CXXC5: variants seen among roughly 807,000 people sequenced by gnomAD.
CXXC5 encodes CXXC finger protein 5.
In CXXC5, 2 loss-of-function variants were observed where a neutral mutation model predicts 17.6. The observed-to-expected ratio is 0.11, with a 90% CI of 0.05 to 0.36. The LOEUF is 0.36. Among genes scored for constraint, CXXC5 ranks in the 10% least tolerant of loss-of-function variants. The pLI, the probability that CXXC5 is intolerant of heterozygous loss-of-function variation, is 1.00. For synonymous variants in CXXC5, 171 were observed against 193.0 expected (o/e 0.89, Z 0.94); for missense variants, 343 against 458.3 (o/e 0.75, Z 2.30).
chr5:139,652,210 G>A (rs1016864658), intron 1 of CXXC5, among the ~76,000 whole-genome samples: 2 of 150,612 alleles, frequency 1.3e-5, no homozygotes, highest in African/African-American at 2.4e-5. Context: ...GTGTATGTGT[G>A]TGTGAAGTGT....
rs1346912426 is a variant in CXXC5, at chr5:139,658,533, A to G, written c.-161+9688A>G. ...CTCTGGAGCTCTAGCCGGTGTGGAG[A>G]GTGGGCTGTGGGCCCAGTCAGGCAG... On this transcript the variant is annotated intron_variant, in intron 1 of 2. Coordinates refer to ENST00000302517, the MANE Select transcript of CXXC5 (RefSeq NM_016463.9). The surrounding 1 kb of genome is among the most constrained non-coding windows in gnomAD (Gnocchi z 4.1). Among the ~76,000 whole-genome samples, 6 of 152,106 alleles carry G rather than the reference A, an allele frequency of 3.9e-5. No homozygotes were observed. The highest frequency in any genetic ancestry group is 3.9e-4 in the Admixed American group (6 of 15,272).
Position 139,680,491 on chromosome 5 carries a change from C to T in CXXC5, c.-33C>T. On this transcript the variant is annotated 5_prime_UTR_variant, in exon 2 of 3. Coordinates refer to ENST00000302517, the MANE Select transcript of CXXC5 (RefSeq NM_016463.9). ...TGGACCCTCGGCAGTTGGCAGGCTC[C>T]CTCTGCAGTGGGGTCTGGGCCTCGG... The T allele has an allele frequency of 6.5e-7, 1 of 1,531,706 alleles. No individual in the cohort carries two copies. Among genetic ancestry groups the T allele is most frequent in the Non-Finnish European group, 8.8e-7 (1 of 1,141,476 alleles). 94.9% of individuals were successfully genotyped at this position (1,531,706 alleles called of 1,614,324 possible). A position where few individuals can be genotyped will look rare whatever the true frequency, so the allele number is the denominator to read the frequency against.
chr5:139,651,317 A>T (rs1755163342), intron 1 of CXXC5, among the ~76,000 whole-genome samples: 2 of 140,504 alleles, frequency 1.4e-5, no homozygotes, highest in Non-Finnish European at 1.5e-5. Context: ...CTGTTGACTT[A>T]CCCGAGGGCC....
chr5:139,672,701 G>A (rs1255103378), intron 1 of CXXC5, among the ~76,000 whole-genome samples: 2 of 152,096 alleles, frequency 1.3e-5, no homozygotes, highest in African/African-American at 4.8e-5. Context: ...CCCTGGGATC[G>A]TGACTTCTGC....
chr5:139,669,775 C>T (rs943420238), intron 1 of CXXC5, among the ~76,000 whole-genome samples: 1 of 152,190 alleles, frequency 6.6e-6, no homozygotes, highest in Non-Finnish European at 1.5e-5. Flanking sequence ...GCAGGCTCTG[C>T]GTGCTTCTCA....
Position 139,670,714 on chromosome 5 carries a change from T to G in CXXC5, c.-160-9650T>G, listed in dbSNP as rs1756417819. On this transcript the variant is annotated intron_variant, in intron 1 of 2. Transcript: ENST00000302517. This position sits in a 1 kb window ranked among gnomAD's most constrained non-coding sequence, Gnocchi z 4.2. ...TGGACATCCATGTACATTCACAGACTTGGGTCGCACACACATGCCTCCACT... is the reference window on the plus strand; with the variant it reads ...TGGACATCCATGTACATTCACAGACGTGGGTCGCACACACATGCCTCCACT... 6.6e-6 allele frequency among the ~76,000 whole-genome samples: 1 copy of G among 152,212 alleles called. No homozygotes were observed. Among genetic ancestry groups the G allele is most frequent in the African/African-American group, 2.4e-5 (1 of 41,452 alleles).
rs1755794260 is a variant in CXXC5 at position 139,661,249 on chromosome 5, G to T, written c.-161+12404G>T. On this transcript the variant is annotated intron_variant, in intron 1 of 2. Coordinates refer to ENST00000302517, the MANE Select transcript of CXXC5 (RefSeq NM_016463.9). This position sits in a 1 kb window ranked among gnomAD's most constrained non-coding sequence, Gnocchi z 4.7. Reference sequence around the variant, plus strand: ...GGTGAGCTGGGCGGGCGGGCGGCAGGATTAGCTCAGGAGACGTGAGTCACC... The same window carrying T: ...GGTGAGCTGGGCGGGCGGGCGGCAGTATTAGCTCAGGAGACGTGAGTCACC... 6.6e-6 allele frequency among the ~76,000 whole-genome samples: 1 copy of T among 152,204 alleles called. No individual in the cohort carries two copies. The highest frequency in any genetic ancestry group is 6.5e-5 in the Admixed American group (1 of 15,290).
intron 1 of CXXC5, among the ~76,000 whole-genome samples, chr5:139,674,786 G>A (rs544958436): frequency 1.4e-4 from 22 of 152,324 alleles, no homozygotes; most frequent in Admixed American, 2.6e-4. Flanking sequence ...AGGCCCAGGT[G>A]AGAGGATTGC....
In CXXC5 at chr5:139,683,128, T is replaced by C. The variant is rs554676988; in HGVS notation, c.*221T>C. On this transcript the variant is annotated 3_prime_UTR_variant, in exon 3 of 3. Transcript: ENST00000302517. ...AAAAGAAAAAAATTTAAACTGCTTT[T>C]TCGGAAGAACAACAACAAAAAAGAG... The C allele has an allele frequency of 5.6e-5, 22 of 395,656 alleles. 1 individual carries two copies. In the South Asian group the frequency reaches 2.3e-3, roughly 42 times the overall value. 24.5% of individuals were successfully genotyped at this position (395,656 alleles called of 1,614,324 possible).
chr5:139,672,020 G>A (rs1756500892), intron 1 of CXXC5, among the ~76,000 whole-genome samples: 1 of 152,232 alleles, frequency 6.6e-6, no homozygotes, highest in African/African-American at 2.4e-5. Context: ...AGAATCCGGT[G>A]AGAAAATGCA....
intron 1 of CXXC5, chr5:139,665,820 G>T (rs1291968628): frequency 1.3e-5 from 2 of 152,398 alleles, no homozygotes; most frequent in East Asian, 3.9e-4. Flanking sequence ...GGACAGCGAG[G>T]AGCAAAGGGC....
chr5:139,655,760 C>A (rs1241430743), intron 1 of CXXC5, among the ~76,000 whole-genome samples: 1 of 151,934 alleles, frequency 6.6e-6, no homozygotes, highest in Non-Finnish European at 1.5e-5. Flanking sequence ...CCCCCTCCCC[C>A]ACCAGCTGTG....
Position 139,682,892 on chromosome 5 carries a change from C to T in CXXC5, c.954C>T (p.Phe318=), listed in dbSNP as rs1236830656. 5.0e-6 allele frequency: 8 copies of T among 1,594,732 alleles called. No homozygotes were observed. The highest frequency in any genetic ancestry group is 6.8e-6 in the Non-Finnish European group (8 of 1,170,254). The change falls in exon 3 of 3, where the codon TTC becomes TTT. Residue 318 remains phenylalanine (F), a synonymous_variant. Coordinates refer to ENST00000302517, the MANE Select transcript of CXXC5 (RefSeq NM_016463.9). ...TGATGCTTCCGACGGGAGCCGCCTT[C>T]CGGTGGTTTCAGTGACGGCGGCGGA... ...EKVMLPTGAA[F]RWFQ
chr5:139,671,377 C>A (rs919441586), intron 1 of CXXC5, among the ~76,000 whole-genome samples: 1 of 152,182 alleles, frequency 6.6e-6, no homozygotes, highest in Non-Finnish European at 1.5e-5. Context: ...CTAGAGTGGC[C>A]CTGGCCATCC....
Position 139,658,771 on chromosome 5 carries a change from CTG to C in CXXC5, c.-161+9929_-161+9930del, listed in dbSNP as rs1270043003. Among the ~76,000 whole-genome samples the C allele has an allele frequency of 6.6e-6, 1 of 152,240 alleles. No individual in the cohort carries two copies. The highest frequency in any genetic ancestry group is 6.5e-5 in the Admixed American group (1 of 15,290). On this transcript the variant is annotated intron_variant, in intron 1 of 2. Coordinates refer to ENST00000302517, the MANE Select transcript of CXXC5 (RefSeq NM_016463.9). This position sits in a 1 kb window ranked among gnomAD's most constrained non-coding sequence, Gnocchi z 4.1. ...CCCTTGGGGTCCTCAGCAGCCCCAT[CTG>C]TGCAATGGGGAGAGGAGGCTTTTTT... is the stretch of plus-strand genomic sequence containing the variant.
intron 2 of CXXC5, among the ~76,000 whole-genome samples, chr5:139,682,068 A>G (rs1757267188): frequency 6.6e-6 from 1 of 152,082 alleles, no homozygotes; most frequent in African/African-American, 2.4e-5. Flanking sequence ...GAACCTAGCC[A>G]CTGTAGGATT....
At chr5:139,653,255 A>C (rs760469673) in intron 1 of CXXC5, among the ~76,000 whole-genome samples, 20 of 152,216 alleles carry the variant, frequency 1.3e-4, no homozygotes, top group Non-Finnish European at 2.6e-4. Flanking sequence ...CAATGGTAGC[A>C]TGTGATTACG....
intron 1 of CXXC5, among the ~76,000 whole-genome samples, chr5:139,662,050 G>A (rs1755849096): frequency 6.6e-6 from 1 of 151,186 alleles, no homozygotes; most frequent in Non-Finnish European, 1.5e-5. Context: ...TGGCCAGCTG[G>A]TTCCCTGACC....
At chr5:139,648,163 G>GCAGCTC (rs1263929889), upstream of CXXC5, 10 of 149,986 alleles carry the variant, frequency 6.7e-5, no homozygotes, top group Admixed American at 6.6e-4. Flanking sequence ...CGCAGCGGCT[G>GCAGCTC]CAGCTCCGGC....
Sources: gnomAD v4.1 joint callset for allele counts (sites outside exome capture counted in the v4.1 genomes callset) on GRCh38, gnomAD v4.1.1 for gene constraint, Gnocchi (gnomAD v3.1) non-coding constraint, MANE v1.5 for transcripts, NCBI Gene and HGNC (gene_info 2026-07-23, HGNC 2026-07-21) for gene names.